Variants in CPOX observed in about 807,000 individuals in gnomAD.
The protein encoded by CPOX is oxygen-dependent coproporphyrinogen-III oxidase, mitochondrial.
In CPOX, 24 loss-of-function variants were observed where a neutral mutation model predicts 48.9. The observed-to-expected ratio is 0.49, with a 90% CI of 0.36 to 0.69. CPOX has a LOEUF of 0.69. CPOX is among the 30% of genes least tolerant of loss of function. CPOX has a pLI of 0.00. For missense variants in CPOX, 549 were observed against 597.3 expected, an observed-to-expected ratio of 0.92 and a Z score of 0.84; for synonymous variants, 249 against 234.6, an observed-to-expected ratio of 1.06 and a Z score of -0.56.
downstream of CPOX, among the ~76,000 whole-genome samples, chr3:98,578,899 A>G (rs1444880338): frequency 1.3e-5 from 2 of 152,240 alleles, no homozygotes; most frequent in Non-Finnish European, 2.9e-5. Flanking sequence ...AAAATTGAGT[A>G]CAAAACTTGT....
rs764845801 is a variant in CPOX, at chr3:98,593,126, A to C, written c.379T>G (p.Cys127Gly). The C allele has an allele frequency of 1.2e-6, 2 of 1,613,280 alleles. No individual in the cohort carries two copies. The highest frequency in any genetic ancestry group is 2.7e-5 in the African/African-American group (2 of 74,916). Residue 127 changes from cysteine to glycine, a missense_variant, in exon 1 of 7, where the codon TGC (cysteine) becomes GGC (glycine). By Grantham distance (159) the Cys-to-Gly change is radical (BLOSUM62 -3). Coordinates refer to ENST00000647941, the MANE Select transcript of CPOX (RefSeq NM_000097.7). ...EEEEDELAHRCSSFMAPPVTD... is the reference protein window; with the variant it reads ...EEEEDELAHRGSSFMAPPVTD... ...ACAGGCGGGGCCATGAAGCTGCTGC[A>C]GCGGTGGGCCAGCTCATCCTCCTCC...
rs1707472401 is a variant in CPOX, at chr3:98,591,153, C to T, written c.559G>A (p.Gly187Ser). The part of the protein sequence containing the change: ...SVDRWERKEG[G>S]GGISCVLQDG... ...TGAAGTACACAGCTGATGCCGCCAC[C>T]TCCTGTGTATAGAAATGTAAAAAAG... The change falls in exon 2 of 7, where the codon GGT becomes AGT. Residue 187 changes from glycine to serine, a missense_variant and splice_region_variant. Gly to Ser is a moderately conservative substitution (Grantham distance 56). Transcript: ENST00000647941. 6.8e-6 allele frequency: 11 copies of T among 1,614,134 alleles called. No homozygotes were observed. Among genetic ancestry groups the T allele is most frequent in the Non-Finnish European group, 8.5e-6 (10 of 1,180,002 alleles).
In CPOX at chr3:98,593,571, AC is replaced by A. The variant is rs1254837894; in HGVS notation, c.-68del. Reference sequence around the variant, plus strand: ...CCCTGCGTTTGAGCCCCCCACCCAGACCCCCGGAGTATTGAGCCGGCGAGCT... The same window carrying A: ...CCCTGCGTTTGAGCCCCCCACCCAGACCCCGGAGTATTGAGCCGGCGAGCT... On this transcript the variant is annotated 5_prime_UTR_variant, in exon 1 of 7. Transcript: ENST00000647941. 1.4e-6 allele frequency: 2 copies of A among 1,448,992 alleles called. No individual in the cohort carries two copies. The highest frequency in any genetic ancestry group is 2.8e-5 in the East Asian group (1 of 36,244). 89.8% of individuals were successfully genotyped at this position (1,448,992 alleles called of 1,614,324 possible).
chr3:98,570,589 A>T, the CPOX span, among the ~76,000 whole-genome samples: 24 of 152,236 alleles, frequency 1.6e-4, no homozygotes, highest in Non-Finnish European at 3.2e-4. Flanking sequence ...ATGTATCAGG[A>T]TGCCAACAAG....
downstream of CPOX, among the ~76,000 whole-genome samples, chr3:98,576,053 C>T (rs1484954427): frequency 8.3e-5 from 7 of 83,842 alleles, no homozygotes; most frequent in African/African-American, 2.3e-4. Context: ...GCCTGGGCAA[C>T]AAGAGTGAAA....
chr3:98,587,141 C>T (rs1364283692), intron 4 of CPOX, among the ~76,000 whole-genome samples: 1 of 147,542 alleles, frequency 6.8e-6, no homozygotes, highest in Non-Finnish European at 1.5e-5. Flanking sequence ...ATTGCTTAAA[C>T]AACAACAACA....
downstream of CPOX, among the ~76,000 whole-genome samples, chr3:98,576,730 C>A (rs913903153): frequency 6.6e-6 from 1 of 152,070 alleles, no homozygotes; most frequent in African/African-American, 2.4e-5. Flanking sequence ...ACAATACATC[C>A]TTGAAAACAA....
chr3:98,575,184 T>C (rs1707141589), downstream of CPOX, among the ~76,000 whole-genome samples: 2 of 152,230 alleles, frequency 1.3e-5, no homozygotes, highest in Non-Finnish European at 2.9e-5. Context: ...TGAACTTTGA[T>C]ACCTCTCAAC....
chr3:98,571,165 T>G, the CPOX span, among the ~76,000 whole-genome samples: 1 of 152,204 alleles, frequency 6.6e-6, no homozygotes, highest in Non-Finnish European at 1.5e-5. Context: ...CCTCTTCTTT[T>G]CTAATCTTTG....
chr3:98,586,983 A>G (rs1707376467), intron 4 of CPOX, among the ~76,000 whole-genome samples: 1 of 152,150 alleles, frequency 6.6e-6, no homozygotes. Context: ...ACAAAAAAGA[A>G]GCCATTTCCT....
downstream of CPOX, among the ~76,000 whole-genome samples, chr3:98,578,908 G>A (rs1707200105): frequency 6.6e-6 from 1 of 152,144 alleles, no homozygotes; most frequent in Non-Finnish European, 1.5e-5. Flanking sequence ...TACAAAACTT[G>A]TATTTTTCTT....
chr3:98,593,514 C>T lies in CPOX; in HGVS notation c.-10G>A, dbSNP rs867711777. 3 of 1,521,286 alleles carry T rather than the reference C, an allele frequency of 2.0e-6. No homozygotes were observed. Among genetic ancestry groups the T allele is most frequent in the South Asian group, 1.2e-5 (1 of 82,154 alleles). 94.2% of individuals were successfully genotyped at this position (1,521,286 alleles called of 1,614,324 possible). A position where few individuals can be genotyped will look rare whatever the true frequency, so the allele number is the denominator to read the frequency against. The stretch of plus-strand genomic sequence containing the variant: ...CCAGCTGCAAGGCCATGTTCCCGCA[C>T]TATCACCTGGAGCAGTGCCTGCGTC... On this transcript the variant is annotated 5_prime_UTR_variant, in exon 1 of 7. In the 5' UTR this introduces an upstream ATG that the reference lacks. Coordinates refer to ENST00000647941, the MANE Select transcript of CPOX (RefSeq NM_000097.7).
At chr3:98,589,463 G>A (rs1707434735) in intron 3 of CPOX, among the ~76,000 whole-genome samples, 1 of 152,010 alleles carries the variant, frequency 6.6e-6, no homozygotes. Flanking sequence ...AACTCTGGCT[G>A]TATATAAGAA....
downstream of CPOX, among the ~76,000 whole-genome samples, chr3:98,576,076 A>T (rs918475746): frequency 3.7e-5 from 3 of 80,456 alleles, no homozygotes; most frequent in African/African-American, 1.5e-4. Context: ...CTGCCTCAAA[A>T]AAAAAAAAAA....
rs1707222704 is a variant in CPOX at position 98,580,014 on chromosome 3, A to T, written c.*669T>A. Reference sequence around the variant, plus strand: ...CAAACAATGGTTCCACAAAAATCAAAATTACAACTTAGACATCTCTAAAAT... The same window carrying T: ...CAAACAATGGTTCCACAAAAATCAATATTACAACTTAGACATCTCTAAAAT... On this transcript the variant is annotated 3_prime_UTR_variant, in exon 7 of 7. Transcript: ENST00000647941. 4.1e-6 allele frequency: 4 copies of T among 984,632 alleles called. No individual in the cohort carries two copies. The highest frequency in any genetic ancestry group is 4.8e-6 in the Non-Finnish European group (4 of 828,892). 61.0% of individuals were successfully genotyped at this position (984,632 alleles called of 1,614,324 possible).
chr3:98,578,570 C>A (rs1707195280), downstream of CPOX, among the ~76,000 whole-genome samples: 3 of 152,144 alleles, frequency 2.0e-5, no homozygotes, highest in African/African-American at 7.2e-5. Context: ...ATTTAAATCA[C>A]CTCAAAATAC....
chr3:98,575,022 C>T (rs1178898447), downstream of CPOX, among the ~76,000 whole-genome samples: 2 of 152,164 alleles, frequency 1.3e-5, no homozygotes, highest in Non-Finnish European at 2.9e-5. Flanking sequence ...AGGTGTGGAA[C>T]AGATTCTAAA....
At chr3:98,592,615 T>C (rs976161030) in intron 1 of CPOX, among the ~76,000 whole-genome samples, 2 of 152,126 alleles carry the variant, frequency 1.3e-5, no homozygotes, top group Admixed American at 6.5e-5. Context: ...CATAATCTAT[T>C]GAAATTTATG....
At position 98,593,608 on chromosome 3, in the gene CPOX, A is replaced by T; in HGVS notation, c.-104T>A. The T allele has an allele frequency of 8.0e-7, 1 of 1,253,106 alleles. No individual in the cohort carries two copies. The highest frequency in any genetic ancestry group is 1.1e-6 in the Non-Finnish European group (1 of 931,326). 77.6% of individuals were successfully genotyped at this position (1,253,106 alleles called of 1,614,324 possible). A position where few individuals can be genotyped will look rare whatever the true frequency, so the allele number is the denominator to read the frequency against. ...TTGAGCCGGCGAGCTGCACAGGCGG[A>T]AAGAACCTTTCGAGAAGAGCCGCTG... is the stretch of plus-strand genomic sequence containing the variant. On this transcript the variant is annotated 5_prime_UTR_variant, in exon 1 of 7. Coordinates refer to ENST00000647941, the MANE Select transcript of CPOX (RefSeq NM_000097.7).
Sources: allele counts gnomAD v4.1 joint callset (sites outside exome capture counted in the v4.1 genomes callset), GRCh38; gene constraint gnomAD v4.1.1; transcripts MANE v1.5; gene names NCBI Gene and HGNC (gene_info 2026-07-23, HGNC 2026-07-21).